The following GPC3 variants were observed in gnomAD, a reference collection of about 807,000 sequenced individuals.
GPC3 encodes the protein glypican-3.
A neutral mutation model predicts 34.4 loss-of-function variants in GPC3; 3 were observed. The ratio of observed to expected loss-of-function variants is 0.09; its 90% CI spans 0.04 to 0.23. The LOEUF is 0.23. GPC3 is among the 10% of genes least tolerant of loss of function. The pLI is 1.00. For missense variants in GPC3, 351 were observed against 445.6 expected (o/e 0.79, Z 1.91); for synonymous variants, 177 against 174.0 (o/e 1.02, Z -0.13).
At chrX:133,705,441 C>G (rs2071207078) in intron 3 of GPC3, among the ~76,000 whole-genome samples, 1 of 111,676 alleles carries the variant, frequency 9.0e-6, no homozygotes, top group African/African-American at 3.3e-5. Flanking sequence ...ATCTGCCCAC[C>G]TTGGTCTCCC....
intron 7 of GPC3, among the ~76,000 whole-genome samples, chrX:133,574,174 T>C (rs2069656030): frequency 9.1e-6 from 1 of 110,402 alleles, no homozygotes; most frequent in Non-Finnish European, 1.9e-5. Flanking sequence ...GTTAGGAGGG[T>C]TGGAGAGTGG....
At chrX:133,909,079 T>G (rs1480246351) in intron 2 of GPC3, among the ~76,000 whole-genome samples, 2 of 112,661 alleles carry the variant, frequency 1.8e-5, no homozygotes, top group Non-Finnish European at 3.7e-5. Context: ...GGCCCTGATC[T>G]GGACAGCTGT....
intron 2 of GPC3, among the ~76,000 whole-genome samples, chrX:133,856,188 C>T (rs1339054919): frequency 8.9e-6 from 1 of 111,796 alleles, no homozygotes; most frequent in African/African-American, 3.2e-5. Context: ...TTTGTGGAAT[C>T]TCCATACTGT....
At chrX:133,979,090 C>T (rs1448861525) in intron 1 of GPC3, among the ~76,000 whole-genome samples, 1 of 112,224 alleles carries the variant, frequency 8.9e-6, no homozygotes. Flanking sequence ...GATGGCTGGA[C>T]GGTGGAAGTT....
rs189187364 is a variant in GPC3 at position 133,906,894 on chromosome X, C to G, written c.337+46156G>C. On this transcript the variant is annotated intron_variant, in intron 2 of 7. Coordinates refer to ENST00000370818, the MANE Select transcript of GPC3 (RefSeq NM_004484.4). ...GAGATCGAGACCATCCTGGCTAACA[C>G]GAGACCATCCTGGCTAACAAACGGT... is the stretch of plus-strand genomic sequence containing the variant. Among the ~76,000 whole-genome samples, 29 of 111,377 alleles carry G rather than the reference C, an allele frequency of 2.6e-4. 1 individual carries two copies. In the East Asian group the frequency reaches 8.2e-3, roughly 32 times the overall value.
intron 7 of GPC3, among the ~76,000 whole-genome samples, chrX:133,550,990 C>T (rs1276829865): frequency 8.9e-6 from 1 of 112,312 alleles, no homozygotes; most frequent in Non-Finnish European, 1.9e-5. Context: ...GAGCAGCTGA[C>T]ACATGCTGGC....
At chrX:133,734,176 T>C (rs1423372865) in intron 3 of GPC3, among the ~76,000 whole-genome samples, 1 of 111,890 alleles carries the variant, frequency 8.9e-6, no homozygotes, top group South Asian at 3.7e-4. Flanking sequence ...CAGCAAAATA[T>C]AAACAGCATC....
intron 1 of GPC3, among the ~76,000 whole-genome samples, chrX:133,954,534 T>A (rs1433249106): frequency 9.2e-6 from 1 of 108,824 alleles, no homozygotes; most frequent in East Asian, 2.9e-4. Flanking sequence ...ATACAGAATG[T>A]GATGATTGTG....
intron 2 of GPC3, among the ~76,000 whole-genome samples, chrX:133,879,124 G>A (rs1370304942): frequency 9.0e-6 from 1 of 111,048 alleles, no homozygotes; most frequent in African/African-American, 3.3e-5. Flanking sequence ...GAGAGAAAGT[G>A]TCATAGTACA....
chrX:133,862,524 C>CAA (rs760286014), intron 2 of GPC3, among the ~76,000 whole-genome samples: 28 of 75,930 alleles, frequency 3.7e-4, no homozygotes, highest in African/African-American at 1.2e-3. Context: ...ACTAAAAATA[C>CAA]AAAAAAAAAA....
intron 7 of GPC3, among the ~76,000 whole-genome samples, chrX:133,580,050 A>G (rs11797822): frequency 0.016 from 1,753 of 112,480 alleles, 26 homozygotes; most frequent in Non-Finnish European, 0.023. Flanking sequence ...ACTTTAAGGT[A>G]GTTGGAGCAT....
chrX:133,834,607 G>A (rs768694468), intron 2 of GPC3, among the ~76,000 whole-genome samples: 2 of 111,958 alleles, frequency 1.8e-5, no homozygotes, highest in Non-Finnish European at 3.8e-5. Flanking sequence ...ATGATAGCTA[G>A]ATGATCAACC....
At chrX:133,791,360 G>C (rs377192976) in intron 2 of GPC3, among the ~76,000 whole-genome samples, 1 of 111,473 alleles carries the variant, frequency 9.0e-6, no homozygotes, top group Admixed American at 9.6e-5. Context: ...CATTAGTGCA[G>C]GTAGATGCCG....
chrX:133,862,190 C>CA (rs1422721344), intron 2 of GPC3, among the ~76,000 whole-genome samples: 4 of 109,669 alleles, frequency 3.6e-5, no homozygotes, highest in Non-Finnish European at 7.6e-5. Flanking sequence ...CTGCATATGC[C>CA]AAAAAAATCA....
intron 2 of GPC3, among the ~76,000 whole-genome samples, chrX:133,914,708 TAAC>T (rs1305235254): frequency 9.1e-6 from 1 of 109,888 alleles, no homozygotes; most frequent in African/African-American, 3.3e-5. Flanking sequence ...AGCACTTAGT[TAAC>T]AATCAAAAAT....
chrX:133,662,677 G>A (rs1007507048), intron 5 of GPC3, among the ~76,000 whole-genome samples: 3 of 112,001 alleles, frequency 2.7e-5, no homozygotes, highest in Non-Finnish European at 3.8e-5. Context: ...CTCATTTTGC[G>A]AAACAAAGCA....
intron 2 of GPC3, among the ~76,000 whole-genome samples, chrX:133,951,093 T>TGTGA (rs775971439): frequency 8.8e-4 from 88 of 100,099 alleles, no homozygotes; most frequent in African/African-American, 3.1e-3. Flanking sequence ...TGTGTGTGTG[T>TGTGA]GAAGTGAAAG....
chrX:133,847,353 T>G (rs927473915), intron 2 of GPC3, among the ~76,000 whole-genome samples: 1 of 112,017 alleles, frequency 8.9e-6, no homozygotes, highest in Non-Finnish European at 1.9e-5. Flanking sequence ...AAGGTTTGTT[T>G]CCCTACTGCA....
At chrX:133,834,212 G>A (rs1046127388) in intron 2 of GPC3, among the ~76,000 whole-genome samples, 6 of 111,611 alleles carry the variant, frequency 5.4e-5, no homozygotes, top group African/African-American at 2.0e-4. Flanking sequence ...TGTATTTGTG[G>A]CAGCTGTTGT....
Sources: gnomAD v4.1 joint callset for allele counts (sites outside exome capture counted in the v4.1 genomes callset) on GRCh38, gnomAD v4.1.1 for gene constraint, MANE v1.5 for transcripts, NCBI Gene and HGNC (gene_info 2026-07-23, HGNC 2026-07-21) for gene names.